Variants in OPHN1 observed in about 807,000 individuals in gnomAD.
OPHN1 encodes oligophrenin 1.
Under a neutral mutation model 60.7 loss-of-function variants are expected in OPHN1, and 11 were observed. The observed-to-expected ratio is 0.18, with a 90% confidence interval of 0.11 to 0.30. OPHN1 has a LOEUF of 0.30. OPHN1 is among the 10% of genes least tolerant of loss of function. The pLI, the probability that OPHN1 is intolerant of heterozygous loss-of-function variation, is 1.00. For missense variants in OPHN1, 449 were observed against 611.0 expected (o/e 0.73, Z 2.80); for synonymous variants, 226 against 222.6 (o/e 1.02, Z -0.14).
At chrX:68,249,257 G>A (rs1017100370) in intron 5 of OPHN1, among the ~76,000 whole-genome samples, 2 of 111,470 alleles carry the variant, frequency 1.8e-5, no homozygotes, top group African/African-American at 6.5e-5. Context: ...TAAAAAAATG[G>A]CCTATGGAGA....
intron 19 of OPHN1, among the ~76,000 whole-genome samples, chrX:68,096,441 C>T (rs1198903626): frequency 3.6e-5 from 4 of 111,672 alleles, no homozygotes; most frequent in Non-Finnish European, 7.5e-5. Flanking sequence ...GTATGCTTTT[C>T]TCTTGTTAAT....
At chrX:68,317,526 A>G (rs755446464) in intron 2 of OPHN1, among the ~76,000 whole-genome samples, 19 of 60,341 alleles carry the variant, frequency 3.1e-4, no homozygotes, top group African/African-American at 3.8e-4. Context: ...AGAGAAAGAA[A>G]GAAAGAAAGA....
intron 15 of OPHN1, among the ~76,000 whole-genome samples, chrX:68,146,903 C>T (rs2077266340): frequency 8.9e-6 from 1 of 111,897 alleles, no homozygotes; most frequent in Non-Finnish European, 1.9e-5. Context: ...CATCCACACA[C>T]AAGTCTGTGT....
intron 9 of OPHN1, among the ~76,000 whole-genome samples, chrX:68,208,019 C>A (rs930373731): frequency 2.7e-5 from 3 of 109,294 alleles, no homozygotes; most frequent in South Asian, 4.0e-4. Flanking sequence ...TCTTTCTTTC[C>A]TTTCTTTCCT....
At chrX:68,267,694 GA>G (rs2077939218) in intron 5 of OPHN1, among the ~76,000 whole-genome samples, 1 of 112,352 alleles carries the variant, frequency 8.9e-6, no homozygotes, top group East Asian at 2.8e-4. Context: ...GAGCAGAACT[GA>G]AGGAAACAGA....
intron 2 of OPHN1, among the ~76,000 whole-genome samples, chrX:68,416,055 TATATATATATATAGAGAGAGAGAGAGAG>T (rs1484681633): frequency 6.7e-3 from 59 of 8,789 alleles, no homozygotes; most frequent in African/African-American, 7.7e-3. Context: ...TATATATATA[TATATATATATATAGAGAGAGAGAGAGAG>T]AGAGAGAGAG....
chrX:68,170,527 C>T (rs2077384926), intron 15 of OPHN1, among the ~76,000 whole-genome samples: 1 of 109,730 alleles, frequency 9.1e-6, no homozygotes, highest in East Asian at 2.9e-4. Flanking sequence ...GACTTGGAAC[C>T]AACCCAAATG....
chrX:68,233,460 T>A (rs2077737980), intron 6 of OPHN1, among the ~76,000 whole-genome samples: 2 of 111,790 alleles, frequency 1.8e-5, no homozygotes, highest in South Asian at 7.6e-4. Flanking sequence ...CCTCCTTCCA[T>A]TAGAAAAATT....
chrX:68,383,176 A>C (rs2078606391), intron 2 of OPHN1, among the ~76,000 whole-genome samples: 2 of 111,133 alleles, frequency 1.8e-5, no homozygotes, highest in African/African-American at 6.5e-5. Context: ...TAAAGAAAAA[A>C]AATGCTATTG....
At chrX:68,118,837 A>G (rs2077138242) in intron 16 of OPHN1, among the ~76,000 whole-genome samples, 1 of 111,410 alleles carries the variant, frequency 9.0e-6, no homozygotes, top group African/African-American at 3.3e-5. Flanking sequence ...TCACACACAT[A>G]TACCATTTTT....
At position 68,317,539 on chromosome X, in the gene OPHN1, A is replaced by AAAAGAAAGAAAGAAAGAAAG. The variant is rs762679584; in HGVS notation, c.155-18463_155-18444dup. On this transcript the variant is annotated intron_variant, in intron 2 of 24. Coordinates refer to ENST00000355520, the MANE Select transcript of OPHN1 (RefSeq NM_002547.3). ...AGAGAGAAAGAAAGAAAGAAAGAAA[A>AAAAGAAAGAAAGAAAGAAAG]AAAGAAAGAAAGAAAGAAAGAAAGA... Among the ~76,000 whole-genome samples, 96 of 58,922 alleles carry AAAAGAAAGAAAGAAAGAAAG rather than the reference A, an allele frequency of 1.6e-3. 2 individuals carry two copies. Among genetic ancestry groups the AAAAGAAAGAAAGAAAGAAAG allele is most frequent in the African/African-American group, 0.012 (92 of 7,534 alleles). 51.2% of individuals were successfully genotyped at this position (58,922 alleles called of 115,157 possible). A position where few individuals can be genotyped will look rare whatever the true frequency, so the allele number is the denominator to read the frequency against.
At chrX:68,270,105 A>T (rs2077958882) in intron 5 of OPHN1, among the ~76,000 whole-genome samples, 1 of 110,882 alleles carries the variant, frequency 9.0e-6, no homozygotes, top group African/African-American at 3.3e-5. Context: ...GCTGGAGAGG[A>T]TGTGGAGAAA....
chrX:68,084,861 A>C (rs981367777), intron 19 of OPHN1, among the ~76,000 whole-genome samples: 3 of 111,367 alleles, frequency 2.7e-5, no homozygotes, highest in Non-Finnish European at 5.7e-5. Flanking sequence ...TTAAAACCAC[A>C]CTCTCTTTAA....
rs1332030058 is a variant in OPHN1, at chrX:68,433,364, C to T, written c.-201G>A. The T allele has an allele frequency of 6.7e-6, 2 of 298,566 alleles. No homozygotes were observed. Among genetic ancestry groups the T allele is most frequent in the Non-Finnish European group, 1.2e-5 (2 of 171,777 alleles). 24.6% of individuals were successfully genotyped at this position (298,566 alleles called of 1,213,427 possible). On this transcript the variant is annotated 5_prime_UTR_variant, in exon 1 of 25. Transcript: ENST00000355520. ...CCGCAGCCCGACTTGCCTCCGGAGA[C>T]GGGCCGGATCCTTCCTGAGCAATTG...
At chrX:68,339,936 A>G (rs944824953) in intron 2 of OPHN1, among the ~76,000 whole-genome samples, 3 of 112,320 alleles carry the variant, frequency 2.7e-5, no homozygotes, top group African/African-American at 6.5e-5. Context: ...GCAATAAACA[A>G]TGCAAAAATA....
chrX:68,057,550 C>T (rs1821256339), intron 21 of OPHN1, among the ~76,000 whole-genome samples: 1 of 111,873 alleles, frequency 8.9e-6, no homozygotes, highest in African/African-American at 3.2e-5. Context: ...AATATGAACC[C>T]TATTCATTCC....
At chrX:68,235,640 C>T (rs1317097848) in intron 5 of OPHN1, among the ~76,000 whole-genome samples, 9 of 106,190 alleles carry the variant, frequency 8.5e-5, no homozygotes, top group African/African-American at 3.1e-4. Context: ...GAGTTCGAGA[C>T]CAGCCTAGCC....
intron 3 of OPHN1, among the ~76,000 whole-genome samples, chrX:68,287,356 A>G (rs1284066470): frequency 9.4e-6 from 1 of 106,597 alleles, no homozygotes; most frequent in East Asian, 3.0e-4. Context: ...AAAAAAAACA[A>G]TCACAAGTGG....
At chrX:68,246,252 T>TTGAC (rs1362720217) in intron 5 of OPHN1, among the ~76,000 whole-genome samples, 5 of 112,472 alleles carry the variant, frequency 4.4e-5, no homozygotes, top group Non-Finnish European at 9.4e-5. Context: ...CTACAATGTG[T>TTGAC]TGACTATCAT....
Sources: gnomAD v4.1 joint callset for allele counts (sites outside exome capture counted in the v4.1 genomes callset) on GRCh38, gnomAD v4.1.1 for gene constraint, MANE v1.5 for transcripts, NCBI Gene and HGNC (gene_info 2026-07-23, HGNC 2026-07-21) for gene names.